COL1A2: variants seen among roughly 807,000 people sequenced by gnomAD.
The protein encoded by COL1A2 is collagen alpha-2(I) chain.
Under a neutral mutation model 174.3 loss-of-function variants are expected in COL1A2, and 49 were observed. The observed-to-expected ratio is 0.28, with a 90% confidence interval of 0.22 to 0.36. The LOEUF (loss-of-function observed/expected upper bound fraction) is 0.36, where lower values mean the gene tolerates loss of function less well. Among genes scored for constraint, COL1A2 ranks in the 10% least tolerant of loss-of-function variants. COL1A2 has a pLI of 1.00. For missense variants in COL1A2, 1,438 were observed against 1,822.7 expected, an observed-to-expected ratio of 0.79 and a Z score of 3.84; for synonymous variants, 655 against 606.6, an observed-to-expected ratio of 1.08 and a Z score of -1.17.
chr7:94,430,389 A>G lies in COL1A2; in HGVS notation c.4097A>G (p.Lys1366Arg), dbSNP rs1176087170. The G allele has an allele frequency of 1.9e-6, 3 of 1,613,944 alleles. No individual in the cohort carries two copies. Among genetic ancestry groups the G allele is most frequent in the African/African-American group, 1.3e-5 (1 of 75,040 alleles). ...FFVDIGPVCF[K>R] The stretch of plus-strand genomic sequence containing the variant: ...GTGGACATTGGCCCAGTCTGTTTCA[A>G]ATAAATGAACTCAATCTAAATTAAA... Residue 1366 changes from lysine to arginine, a missense_variant, in exon 52 of 52, where the codon AAA (lysine) becomes AGA (arginine). This residue lies in a region of COL1A2 where 290 missense variants were observed against 298.1 expected (regional missense o/e 0.97). Transcript: ENST00000297268.
chr7:94,429,619 G>A (rs765525440), intron 51 of COL1A2, 189 bp downstream of exon 51: 24 of 580,482 alleles, frequency 4.1e-5, no homozygotes, highest in East Asian at 1.2e-4. Context: ...TATTAATTTC[G>A]TACTTAAATT....
At chr7:94,429,510 G>T (rs914298374) in intron 51 of COL1A2, 80 bp downstream of exon 51, 3 of 1,507,374 alleles carry the variant, frequency 2.0e-6, no homozygotes, top group Non-Finnish European at 1.8e-6. Flanking sequence ...CCAAGGGGGG[G>T]TCTAAAGGGG....
rs1562897613 is a variant in COL1A2 at position 94,400,270 on chromosome 7, C to G, written c.207C>G (p.Gly69=). ...CTCCTGGTCCACCTGGTCCTCCTGG[C>G]CCCCCTGGTCTCGGTGGGGTAAGGT... The part of the protein sequence containing the change: ...TGPPGPPGPP[G]PPGLGGNFAA... Residue 69 remains glycine (G), a synonymous_variant, in exon 5 of 52, where the codon GGC becomes GGG. Coordinates refer to ENST00000297268, the MANE Select transcript of COL1A2 (RefSeq NM_000089.4). The G allele has an allele frequency of 2.5e-6, 4 of 1,612,796 alleles. No individual in the cohort carries two copies. The Admixed American group carries it at 6.7e-5, about 27-fold the overall frequency.
At position 94,425,674 on chromosome 7, in the gene COL1A2, T is replaced by C; in HGVS notation, c.2835+11T>C. 6.2e-7 allele frequency: 1 copy of C among 1,614,128 alleles called. No homozygotes were observed. Among genetic ancestry groups the C allele is most frequent in the East Asian group, 2.2e-5 (1 of 44,866 alleles). ...CAACCCGGACACAAGGTCAGTACAC[T>C]TTTCATCTTTCTCTAATTCAAAAGT... is the stretch of plus-strand genomic sequence containing the variant. On this transcript the variant is annotated intron_variant, in intron 43 of 51. Transcript: ENST00000297268.
intron 32 of COL1A2, among the ~76,000 whole-genome samples, chr7:94,418,295 T>A (rs1308772184): frequency 6.6e-6 from 1 of 152,234 alleles, no homozygotes; most frequent in Non-Finnish European, 1.5e-5. Context: ...AACAATAATC[T>A]GGAAATGGCC....
intron 41 of COL1A2, 71 bp downstream of exon 41, chr7:94,424,514 A>G (rs1195099540): frequency 1.5e-6 from 2 of 1,329,550 alleles, no homozygotes; most frequent in Non-Finnish European, 2.2e-6. Flanking sequence ...TTCAAATGTG[A>G]CAGATTGATC....
intron 31 of COL1A2, among the ~76,000 whole-genome samples, chr7:94,417,067 T>C (rs1220884612): frequency 6.6e-6 from 1 of 152,218 alleles, no homozygotes; most frequent in Non-Finnish European, 1.5e-5. Context: ...CAACACATAT[T>C]ATTTTCATTC....
Position 94,419,493 on chromosome 7 carries a change from AC to A in COL1A2, c.2026-4del. 1 of 1,614,048 alleles carries A rather than the reference AC, an allele frequency of 6.2e-7. No homozygotes were observed. The highest frequency in any genetic ancestry group is 1.1e-5 in the South Asian group (1 of 91,082). On this transcript the variant is annotated splice_polypyrimidine_tract_variant and splice_region_variant and intron_variant, in intron 33 of 51. Transcript: ENST00000297268. ...TAATAAGACATGTTTCCTTTTTGGT[AC>A]TAGGGTGCTCCTGGTGCTGTAGGTG...
Position 94,420,406 on chromosome 7 carries a change from G to T in COL1A2, c.2149G>T (p.Val717Phe). The T allele has an allele frequency of 6.2e-7, 1 of 1,614,204 alleles. No homozygotes were observed. The highest frequency in any genetic ancestry group is 8.5e-7 in the Non-Finnish European group (1 of 1,180,026). Reference sequence around the variant, plus strand: ...TCCCACCTAGGGTGAACGTGGTGAGGTCGGTCCTGCTGGCCCCAATGGATT... The same window carrying T: ...TCCCACCTAGGGTGAACGTGGTGAGTTCGGTCCTGCTGGCCCCAATGGATT... ...PRGSPGERGE[V>F]GPAGPNGFAG... Residue 717 changes from valine to phenylalanine, a missense_variant, in exon 36 of 52, where the codon GTC becomes TTC. Physicochemically the swap from Val to Phe is conservative, Grantham distance 50 (BLOSUM62 -1). Transcript: ENST00000297268.
chr7:94,421,487 T>C, intron 38 of COL1A2: 1 of 360,816 alleles, frequency 2.8e-6, no homozygotes, highest in Non-Finnish European at 5.1e-6. Flanking sequence ...TCATTTGTTA[T>C]TCTTTTGTCC....
intron 23 of COL1A2, among the ~76,000 whole-genome samples, chr7:94,411,613 C>G (rs914741008): frequency 1.3e-5 from 2 of 152,208 alleles, no homozygotes; most frequent in Non-Finnish European, 2.9e-5. Context: ...CATAGACACA[C>G]TAATCCATAG....
At chr7:94,398,552 T>G (rs1314633653) in intron 3 of COL1A2, among the ~76,000 whole-genome samples, 156 bp downstream of exon 3, 3 of 152,074 alleles carry the variant, frequency 2.0e-5, no homozygotes, top group African/African-American at 7.2e-5. Context: ...AGCTTTGATG[T>G]TTAAGATAAC....
rs1183358354 is a variant in COL1A2, at chr7:94,420,163, T to G, written c.2080-70T>G. On this transcript the variant is annotated intron_variant, in intron 34 of 51. Transcript: ENST00000297268. ...AGACTCTGTCTGTCCACCACTGTTC[T>G]CTCTCCCTCCCAGTTCTTTGAGCAT... 1.9e-6 allele frequency: 3 copies of G among 1,599,142 alleles called. No individual in the cohort carries two copies. In the East Asian group the frequency reaches 6.7e-5, roughly 36 times the overall value.
chr7:94,424,822 C>T, intron 41 of COL1A2: 1 of 484,274 alleles, frequency 2.1e-6, no homozygotes, highest in Non-Finnish European at 3.8e-6. Context: ...TAGAAACCAT[C>T]TCATCTCCAT....
At chr7:94,413,775 G>T (rs1169129180) in intron 27 of COL1A2, 32 bp downstream of exon 27, 1 of 1,613,028 alleles carries the variant, frequency 6.2e-7, no homozygotes. Context: ...GTGCTCTTCT[G>T]CACTAGAATG....
intron 30 of COL1A2, among the ~76,000 whole-genome samples, chr7:94,416,155 A>T (rs764689608): frequency 6.6e-6 from 1 of 152,208 alleles, no homozygotes; most frequent in Non-Finnish European, 1.5e-5. Context: ...GCAAAAATTG[A>T]ATATTATACT....
At chr7:94,396,804 G>C (rs1791593655) in intron 1 of COL1A2, among the ~76,000 whole-genome samples, 1 of 152,048 alleles carries the variant, frequency 6.6e-6, no homozygotes. Context: ...TGTGACTGTT[G>C]CAACAGATGT....
chr7:94,421,754 A>G, intron 38 of COL1A2, 145 bp from the exon 39 acceptor site: 1 of 701,352 alleles, frequency 1.4e-6, no homozygotes, highest in Non-Finnish European at 2.5e-6. Context: ...TGGCTAAATA[A>G]TGCCCTATAT....
chr7:94,408,425 G>A (rs1482898693), intron 15 of COL1A2, 45 bp downstream of exon 15: 2 of 1,591,114 alleles, frequency 1.3e-6, no homozygotes, highest in Non-Finnish European at 1.7e-6. Flanking sequence ...GAGAATGTGG[G>A]GTGGGTGCTG....
Sources: allele counts gnomAD v4.1 joint callset (sites outside exome capture counted in the v4.1 genomes callset), GRCh38; gene constraint gnomAD v4.1.1; regional missense constraint gnomAD v4.1.1; transcripts MANE v1.5; gene names NCBI Gene and HGNC (gene_info 2026-07-23, HGNC 2026-07-21).